SGMS1: variants seen among roughly 807,000 people sequenced by gnomAD.
SGMS1 encodes phosphatidylcholine:ceramide cholinephosphotransferase 1.
Under a neutral mutation model 46.2 loss-of-function variants are expected in SGMS1, and 13 were observed. The ratio of observed to expected loss-of-function variants is 0.28; its 90% CI spans 0.18 to 0.45. SGMS1 has a LOEUF of 0.45. SGMS1 is among the 20% of genes least tolerant of loss of function. SGMS1 has a pLI of 1.00. For synonymous variants in SGMS1, 203 were observed against 187.8 expected (o/e 1.08, Z -0.66); for missense variants, 324 against 519.9 (o/e 0.62, Z 3.66).
chr10:50,376,481 G>A (rs550820566), intron 6 of SGMS1, among the ~76,000 whole-genome samples: 43 of 152,094 alleles, frequency 2.8e-4, no homozygotes, highest in Non-Finnish European at 5.6e-4. Context: ...TGTGCACAAC[G>A]TGCAGATTTG....
intron 7 of SGMS1, chr10:50,341,160 G>A (rs895252475): frequency 1.5e-5 from 5 of 341,528 alleles, no homozygotes; most frequent in African/African-American, 4.3e-5. Flanking sequence ...CTGCTATAAT[G>A]CAATAACTAA....
intron 8 of SGMS1, among the ~76,000 whole-genome samples, chr10:50,311,834 A>T (rs551470950): frequency 6.6e-6 from 1 of 152,350 alleles, no homozygotes; most frequent in Admixed American, 6.5e-5. Context: ...CCTAGAAGAC[A>T]ACTGTCCTAC....
chr10:50,508,826 G>T (rs1837729828), intron 3 of SGMS1, among the ~76,000 whole-genome samples: 1 of 152,188 alleles, frequency 6.6e-6, no homozygotes, highest in Non-Finnish European at 1.5e-5. Flanking sequence ...CATTAAGGCT[G>T]AATTCAAATG....
At chr10:50,624,185 C>T (rs762433962), upstream of SGMS1, 318 of 928,496 alleles carry the variant, frequency 3.4e-4, no homozygotes, top group Non-Finnish European at 4.0e-4. Context: ...CTTTCCCCAG[C>T]GTTTTTAGGG....
At chr10:50,592,933 C>G (rs987702507) in intron 1 of SGMS1, among the ~76,000 whole-genome samples, 14 of 152,222 alleles carry the variant, frequency 9.2e-5, no homozygotes, top group African/African-American at 1.2e-4. Context: ...GTGGTGATAT[C>G]CGCCTCCCAG....
intron 6 of SGMS1, among the ~76,000 whole-genome samples, chr10:50,392,222 AAATT>A (rs1176294721): frequency 6.6e-6 from 1 of 152,058 alleles, no homozygotes; most frequent in African/African-American, 2.4e-5. Flanking sequence ...TTGCACAAAT[AAATT>A]ATTACTGTAC....
chr10:50,463,676 A>T (rs1336247855), intron 4 of SGMS1, among the ~76,000 whole-genome samples: 1 of 152,232 alleles, frequency 6.6e-6, no homozygotes, highest in African/African-American at 2.4e-5. Context: ...CACTTCTGGT[A>T]TGCATCTGAA....
At chr10:50,520,147 T>A (rs551843009) in intron 2 of SGMS1, among the ~76,000 whole-genome samples, 32 of 152,284 alleles carry the variant, frequency 2.1e-4, no homozygotes, top group African/African-American at 7.5e-4. Flanking sequence ...CTCAGCACTT[T>A]GGGAGGCTGA....
At chr10:50,445,741 C>T (rs1042033624) in intron 5 of SGMS1, among the ~76,000 whole-genome samples, 1 of 152,018 alleles carries the variant, frequency 6.6e-6, no homozygotes, top group African/African-American at 2.4e-5. Flanking sequence ...AATCTGGGCA[C>T]CTTGAAAAAA....
At chr10:50,503,622 C>T (rs980845395) in intron 3 of SGMS1, among the ~76,000 whole-genome samples, 8 of 152,284 alleles carry the variant, frequency 5.3e-5, no homozygotes, top group Non-Finnish European at 7.4e-5. Flanking sequence ...GGACTCAGCC[C>T]GCCTGCACCC....
intron 1 of SGMS1, chr10:50,623,457 C>T (rs568953107): frequency 8.3e-4 from 401 of 481,176 alleles, no homozygotes; most frequent in Non-Finnish European, 1.0e-3. Context: ...GGAGCCCCGC[C>T]GGCGGCCCGC....
Position 50,493,317 on chromosome 10 carries a change from C to G in SGMS1, c.-497-26385G>C, listed in dbSNP as rs181233131. Among the ~76,000 whole-genome samples, 256 of 152,236 alleles carry G rather than the reference C, an allele frequency of 1.7e-3. 1 individual carries two copies. Among genetic ancestry groups the G allele is most frequent in the Admixed American group, 2.9e-3 (44 of 15,284 alleles). On this transcript the variant is annotated intron_variant, in intron 3 of 10. Coordinates refer to ENST00000361781, the MANE Select transcript of SGMS1 (RefSeq NM_147156.4). ...CTTACGCCATATACAAAAATTAACT[C>G]AAGATGGATTAAAGACTTAAATGTA...
At chr10:50,324,625 C>T (rs1230768750) in intron 8 of SGMS1, among the ~76,000 whole-genome samples, 1 of 152,188 alleles carries the variant, frequency 6.6e-6, no homozygotes, top group Non-Finnish European at 1.5e-5. Context: ...CAGCACCAAG[C>T]CTTCGAAGCC....
At chr10:50,524,092 T>C (rs189618382) in intron 2 of SGMS1, among the ~76,000 whole-genome samples, 1 of 152,232 alleles carries the variant, frequency 6.6e-6, no homozygotes, top group African/African-American at 2.4e-5. Flanking sequence ...TCAGGTCCCC[T>C]AGATCTTAAA....
At chr10:50,423,951 C>T in intron 6 of SGMS1, among the ~76,000 whole-genome samples, 1 of 152,336 alleles carries the variant, frequency 6.6e-6, no homozygotes, top group South Asian at 2.1e-4. Context: ...ATTTCATACA[C>T]ATTATTTTAC....
intron 9 of SGMS1, 120 bp downstream of exon 9, chr10:50,311,142 G>C (rs7913957): frequency 0.27 from 317,082 of 1,173,720 alleles, 44,968 homozygotes; most frequent in Non-Finnish European, 0.3. Context: ...GAAGCTGCAA[G>C]CCTCCTGAAG....
intron 2 of SGMS1, among the ~76,000 whole-genome samples, chr10:50,554,420 C>T (rs1470766926): frequency 4.6e-5 from 7 of 152,144 alleles, no homozygotes; most frequent in Non-Finnish European, 1.5e-5. Context: ...AGAAGCACAA[C>T]CTATATATTT....
intron 2 of SGMS1, among the ~76,000 whole-genome samples, chr10:50,542,183 C>G (rs902481556): frequency 1.3e-5 from 2 of 152,174 alleles, no homozygotes; most frequent in African/African-American, 4.8e-5. Flanking sequence ...CTGTGACTCC[C>G]ACTTTTCGTT....
chr10:50,518,824 A>T lies in SGMS1; in HGVS notation c.-498+1007T>A, dbSNP rs541617615. Among the ~76,000 whole-genome samples the T allele has an allele frequency of 6.6e-5, 10 of 152,342 alleles. No individual in the cohort carries two copies. In the South Asian group the frequency reaches 2.1e-3, roughly 32 times the overall value. On this transcript the variant is annotated intron_variant, in intron 3 of 10. Coordinates refer to ENST00000361781, the MANE Select transcript of SGMS1 (RefSeq NM_147156.4). ...ATTCACTATACAAGAAGAGACTGAA[A>T]TTTTTGTCTAAATTAAAAGTATGCA...
Sources: gnomAD v4.1 joint callset for allele counts (sites outside exome capture counted in the v4.1 genomes callset) on GRCh38, gnomAD v4.1.1 for gene constraint, MANE v1.5 for transcripts, NCBI Gene and HGNC (gene_info 2026-07-23, HGNC 2026-07-21) for gene names.